ASTN2: variants seen among roughly 807,000 people sequenced by gnomAD.
ASTN2 encodes astrotactin-2.
Under a neutral mutation model 139.8 loss-of-function variants are expected in ASTN2, and 54 were observed. The observed-to-expected ratio is 0.39, with a 90% CI of 0.31 to 0.48. The LOEUF (loss-of-function observed/expected upper bound fraction) is 0.48. Ranked by LOEUF, ASTN2 falls within the 20% of genes least tolerant of loss-of-function variation. ASTN2 has a pLI of 0.95. For missense variants in ASTN2, 1,565 were observed against 1,725.1 expected (o/e 0.91, Z 1.64); for synonymous variants, 756 against 719.5 (o/e 1.05, Z -0.81).
At chr9:117,275,483 A>G (rs994617193) in intron 2 of ASTN2, among the ~76,000 whole-genome samples, 2 of 151,046 alleles carry the variant, frequency 1.3e-5, no homozygotes, top group Admixed American at 1.3e-4. Context: ...TGGCTTAGAG[A>G]TGGACACCGT....
At chr9:117,317,671 C>T (rs1472112548) in intron 1 of ASTN2, among the ~76,000 whole-genome samples, 2 of 152,166 alleles carry the variant, frequency 1.3e-5, no homozygotes, top group African/African-American at 4.8e-5. Context: ...TTAAGTGCCC[C>T]TGGGAGTCTG....
At chr9:117,333,578 A>G (rs141934535) in intron 1 of ASTN2, among the ~76,000 whole-genome samples, 1,558 of 152,306 alleles carry the variant, frequency 0.01, 16 homozygotes, top group Non-Finnish European at 0.017. Context: ...TATATTTTAG[A>G]TACTGGGCTT....
intron 1 of ASTN2, among the ~76,000 whole-genome samples, chr9:117,359,128 G>C (rs1829626634): frequency 6.6e-6 from 1 of 152,268 alleles, no homozygotes; most frequent in South Asian, 2.1e-4. Flanking sequence ...GATCAAACTT[G>C]TATTCTGGAC....
At chr9:116,778,784 T>A (rs1240483416) in intron 13 of ASTN2, among the ~76,000 whole-genome samples, 1 of 152,200 alleles carries the variant, frequency 6.6e-6, no homozygotes, top group Non-Finnish European at 1.5e-5. Flanking sequence ...ATTAAATACC[T>A]CACTATATAT....
At chr9:117,252,608 G>C (rs181306788) in intron 2 of ASTN2, among the ~76,000 whole-genome samples, 1 of 152,316 alleles carries the variant, frequency 6.6e-6, no homozygotes, top group African/African-American at 2.4e-5. Context: ...TATGTTGTTA[G>C]AGTGTTTTAT....
intron 19 of ASTN2, among the ~76,000 whole-genome samples, chr9:116,510,069 G>C (rs775231108): frequency 2.6e-5 from 4 of 152,154 alleles, no homozygotes; most frequent in African/African-American, 7.2e-5. Context: ...TTTGAGACAC[G>C]AAGTCCTTGC....
At chr9:116,663,148 C>A (rs964446568) in intron 16 of ASTN2, among the ~76,000 whole-genome samples, 3 of 152,208 alleles carry the variant, frequency 2.0e-5, no homozygotes, top group Non-Finnish European at 4.4e-5. Context: ...AGAGGAAATG[C>A]TCAGAAAAGA....
At chr9:117,389,084 T>C (rs1032287186) in intron 1 of ASTN2, among the ~76,000 whole-genome samples, 2 of 152,208 alleles carry the variant, frequency 1.3e-5, no homozygotes, top group Admixed American at 1.3e-4. Context: ...AAGAAATCAT[T>C]TGCAATATAC....
intron 1 of ASTN2, among the ~76,000 whole-genome samples, chr9:117,312,281 G>A (rs1459558309): frequency 6.6e-6 from 1 of 152,112 alleles, no homozygotes; most frequent in Non-Finnish European, 1.5e-5. Context: ...GTAATAAATA[G>A]AGAATCACAA....
intron 19 of ASTN2, among the ~76,000 whole-genome samples, chr9:116,515,552 G>A (rs1383846420): frequency 6.6e-6 from 1 of 152,108 alleles, no homozygotes; most frequent in Non-Finnish European, 1.5e-5. Flanking sequence ...CAGAAACAAG[G>A]GCATTACTGA....
At chr9:117,109,056 G>A (rs1829180617) in intron 4 of ASTN2, among the ~76,000 whole-genome samples, 1 of 152,062 alleles carries the variant, frequency 6.6e-6, no homozygotes, top group Admixed American at 6.5e-5. Flanking sequence ...AGGCCGAGGT[G>A]GGCGGATCAC....
At chr9:117,376,670 C>T (rs934223154) in intron 1 of ASTN2, among the ~76,000 whole-genome samples, 2 of 152,158 alleles carry the variant, frequency 1.3e-5, no homozygotes, top group Non-Finnish European at 2.9e-5. Context: ...TCCAGATCTT[C>T]TGACTGTAGT....
At chr9:116,542,507 T>C (rs2119357225) in intron 19 of ASTN2, among the ~76,000 whole-genome samples, 1 of 152,306 alleles carries the variant, frequency 6.6e-6, no homozygotes, top group African/African-American at 2.4e-5. Context: ...ATGTTAACTT[T>C]AAAAACAACT....
At chr9:116,548,596 CTGAG>C (rs58265709) in intron 19 of ASTN2, among the ~76,000 whole-genome samples, 3,558 of 152,198 alleles carry the variant, frequency 0.023, 125 homozygotes, top group African/African-American at 0.082. Flanking sequence ...TCTCAGCCTC[CTGAG>C]TATCTGGGAT....
chr9:117,048,941 C>T (rs571445073), intron 5 of ASTN2, among the ~76,000 whole-genome samples: 22 of 129,154 alleles, frequency 1.7e-4, no homozygotes, highest in Non-Finnish European at 3.0e-4. Flanking sequence ...AGAATCTGTG[C>T]GCTCTGATTC....
chr9:116,487,824 T>C (rs1849389426), intron 19 of ASTN2, among the ~76,000 whole-genome samples: 1 of 152,194 alleles, frequency 6.6e-6, no homozygotes, highest in African/African-American at 2.4e-5. Context: ...TTTTTTTCTG[T>C]AACTATTCTG....
intron 20 of ASTN2, among the ~76,000 whole-genome samples, chr9:116,444,231 G>A (rs1162492685): frequency 4.6e-5 from 7 of 152,108 alleles, no homozygotes; most frequent in African/African-American, 1.7e-4. Context: ...ACCACTGTAA[G>A]CTGTTGTCTT....
At chr9:117,151,498 A>T (rs1320359821) in intron 3 of ASTN2, among the ~76,000 whole-genome samples, 1 of 152,180 alleles carries the variant, frequency 6.6e-6, no homozygotes, top group Non-Finnish European at 1.5e-5. Context: ...GACACTGTTT[A>T]GTGGAAGAGG....
chr9:117,171,965 C>T (rs1194867891), intron 3 of ASTN2, among the ~76,000 whole-genome samples: 1 of 152,008 alleles, frequency 6.6e-6, no homozygotes, highest in Non-Finnish European at 1.5e-5. Context: ...ATTATCAATA[C>T]TTGCAACAAC....
Sources: gnomAD v4.1 joint callset for allele counts (sites outside exome capture counted in the v4.1 genomes callset) on GRCh38, gnomAD v4.1.1 for gene constraint, MANE v1.5 for transcripts, NCBI Gene and HGNC (gene_info 2026-07-23, HGNC 2026-07-21) for gene names.